The following PAM variants were observed in gnomAD, a reference collection of about 807,000 sequenced individuals.
PAM encodes peptidyl-glycine alpha-amidating monooxygenase.
PAM carries 72 observed loss-of-function variants against 122.1 expected under a neutral mutation model. The ratio of observed to expected loss-of-function variants is 0.59; its 90% CI spans 0.49 to 0.72. The LOEUF (loss-of-function observed/expected upper bound fraction) is 0.72, where lower values mean the gene tolerates loss of function less well. Ranked by LOEUF, PAM falls within the 30% of genes least tolerant of loss-of-function variation. The pLI is 0.00. For synonymous variants in PAM, 389 were observed against 404.4 expected (o/e 0.96, Z 0.46); for missense variants, 1,106 against 1,183.7 (o/e 0.93, Z 0.96).
chr5:102,978,881 G>A (rs941061645), intron 15 of PAM, among the ~76,000 whole-genome samples: 28 of 151,588 alleles, frequency 1.8e-4, no homozygotes, highest in Admixed American at 1.8e-3. Flanking sequence ...GCCAAGCTTA[G>A]TGTTTTAGAT....
At chr5:102,807,937 C>G (rs891067216) in intron 1 of PAM, 3 of 152,156 alleles carry the variant, frequency 2.0e-5, no homozygotes. Context: ...TCATCGAGTC[C>G]TCTTGCTCTG....
At chr5:102,912,765 T>G (rs1405056603) in intron 4 of PAM, among the ~76,000 whole-genome samples, 1 of 151,974 alleles carries the variant, frequency 6.6e-6, no homozygotes, top group Non-Finnish European at 1.5e-5. Context: ...CATTCTCTCT[T>G]CATTAATATT....
intron 6 of PAM, among the ~76,000 whole-genome samples, chr5:102,926,110 C>A (rs1047006886): frequency 6.7e-6 from 1 of 150,156 alleles, no homozygotes; most frequent in Non-Finnish European, 1.5e-5. Flanking sequence ...TTTTTTGAGA[C>A]GGAGTCTCGC....
intron 1 of PAM, among the ~76,000 whole-genome samples, chr5:102,762,645 A>G (rs2149684103): frequency 6.6e-6 from 1 of 152,266 alleles, no homozygotes. Flanking sequence ...TATTGGTTCT[A>G]GTGTTTGGGG....
intron 1 of PAM, among the ~76,000 whole-genome samples, chr5:102,773,528 C>A (rs936154734): frequency 6.6e-6 from 1 of 151,960 alleles, no homozygotes; most frequent in Non-Finnish European, 1.5e-5. Context: ...CAAAGTATTG[C>A]TCTGTTTAAA....
chr5:102,795,227 G>GAAA (rs1763108690), intron 1 of PAM, among the ~76,000 whole-genome samples: 1 of 124,658 alleles, frequency 8.0e-6, no homozygotes, highest in Non-Finnish European at 1.8e-5. Flanking sequence ...AGAAGAAAAA[G>GAAA]AAAAAGAAAA....
At chr5:102,762,708 C>T (rs1401896146) in intron 1 of PAM, among the ~76,000 whole-genome samples, 1 of 152,126 alleles carries the variant, frequency 6.6e-6, no homozygotes, top group South Asian at 2.1e-4. Context: ...GTCCTTTAAC[C>T]CGTGATACCC....
At chr5:102,879,138 G>T (rs1410101442) in intron 3 of PAM, among the ~76,000 whole-genome samples, 5 of 151,978 alleles carry the variant, frequency 3.3e-5, no homozygotes, top group African/African-American at 9.7e-5. Flanking sequence ...CACCATGTTA[G>T]CCAGGATGGT....
intron 15 of PAM, among the ~76,000 whole-genome samples, chr5:102,979,250 A>G (rs997981240): frequency 4.6e-5 from 7 of 152,144 alleles, no homozygotes; most frequent in African/African-American, 1.7e-4. Flanking sequence ...AGAAATTTTA[A>G]AAAGGAAAAG....
intron 3 of PAM, among the ~76,000 whole-genome samples, chr5:102,880,023 G>A (rs1325408838): frequency 6.6e-6 from 1 of 152,190 alleles, no homozygotes; most frequent in Non-Finnish European, 1.5e-5. Flanking sequence ...GCTCACGTCT[G>A]TAGTCCCAGC....
At chr5:102,938,753 T>G (rs1754109506) in intron 7 of PAM, among the ~76,000 whole-genome samples, 1 of 152,116 alleles carries the variant, frequency 6.6e-6, no homozygotes, top group Non-Finnish European at 1.5e-5. Context: ...AGAAATAAAG[T>G]CACTTGCTCA....
At chr5:102,864,163 CATATAT>C (rs373189336) in intron 1 of PAM, among the ~76,000 whole-genome samples, 17 of 140,610 alleles carry the variant, frequency 1.2e-4, no homozygotes, top group Middle Eastern at 3.6e-3. Flanking sequence ...ATCCCTTCTT[CATATAT>C]ATATATATAT....
intron 1 of PAM, among the ~76,000 whole-genome samples, chr5:102,757,262 G>A (rs932598044): frequency 1.3e-5 from 2 of 152,150 alleles, no homozygotes; most frequent in Non-Finnish European, 2.9e-5. Flanking sequence ...GGGAGGTGGA[G>A]GTTTCAGTGA....
chr5:102,860,309 C>A (rs57425975), intron 1 of PAM, among the ~76,000 whole-genome samples: 13,790 of 152,068 alleles, frequency 0.091, 1,550 homozygotes, highest in African/African-American at 0.26. Context: ...ATAAGGTGTT[C>A]ACAAAGGGCA....
At chr5:102,975,679 C>T (rs1453008980) in intron 15 of PAM, among the ~76,000 whole-genome samples, 1 of 152,164 alleles carries the variant, frequency 6.6e-6, no homozygotes, top group East Asian at 1.9e-4. Flanking sequence ...TATCATGCCC[C>T]TATCCATTTC....
intron 6 of PAM, among the ~76,000 whole-genome samples, chr5:102,926,110 CG>C (rs1749387699): frequency 6.7e-6 from 1 of 150,156 alleles, no homozygotes; most frequent in Non-Finnish European, 1.5e-5. Context: ...TTTTTTGAGA[CG>C]GAGTCTCGCT....
intron 1 of PAM, chr5:102,808,026 T>C (rs1209342263): frequency 1.3e-5 from 2 of 152,182 alleles, no homozygotes; most frequent in Non-Finnish European, 1.5e-5. Flanking sequence ...CCCCAGGAAG[T>C]TGTTAAAGCA....
chr5:102,903,808 T>C (rs933411459), intron 4 of PAM, among the ~76,000 whole-genome samples: 1 of 151,562 alleles, frequency 6.6e-6, no homozygotes, highest in Non-Finnish European at 1.5e-5. Context: ...AGCAAAGTTA[T>C]CAAGTGCATA....
chr5:102,918,464 C>G (rs1746237554), intron 5 of PAM, among the ~76,000 whole-genome samples: 1 of 151,950 alleles, frequency 6.6e-6, no homozygotes, highest in South Asian at 2.1e-4. Flanking sequence ...AATGAAGGTG[C>G]TTAAATTTAC....
Sources: allele counts gnomAD v4.1 joint callset (sites outside exome capture counted in the v4.1 genomes callset), GRCh38; gene constraint gnomAD v4.1.1; transcripts MANE v1.5; gene names NCBI Gene and HGNC (gene_info 2026-07-23, HGNC 2026-07-21).